Variants in CDH23 observed in about 807,000 individuals in gnomAD.
The protein encoded by CDH23 is cadherin related 23, also known as cadherin-23.
CDH23 carries 189 observed loss-of-function variants against 317.1 expected under a neutral mutation model. That is an observed-to-expected ratio of 0.60 (90% confidence interval 0.53 to 0.67). The LOEUF is 0.67. Ranked by LOEUF, CDH23 falls within the 30% of genes least tolerant of loss-of-function variation. The pLI is 0.00. For synonymous variants in CDH23, 1,839 were observed against 1,876.8 expected (o/e 0.98, Z 0.52); for missense variants, 4,401 against 4,592.4 (o/e 0.96, Z 1.20).
intron 9 of CDH23, among the ~76,000 whole-genome samples, chr10:71,611,457 T>C (rs972097236): frequency 2.6e-5 from 4 of 152,196 alleles, no homozygotes; most frequent in African/African-American, 9.7e-5. Context: ...AGGCACAGGC[T>C]GCTGGGGTGG....
Position 71,439,842 on chromosome 10 carries a change from A to T in CDH23, c.11A>T (p.His4Leu). ...GTGTCCCCAGGAGCCATGGGGCGCCATGTTGCCACCAGCTGCCACGTGGCC... is the reference window on the plus strand; with the variant it reads ...GTGTCCCCAGGAGCCATGGGGCGCCTTGTTGCCACCAGCTGCCACGTGGCC... MGR[H>L]VATSCHVAWL... The change falls in exon 2 of 70, where the codon CAT (histidine) becomes CTT (leucine). Residue 4 changes from histidine to leucine, a missense_variant. His to Leu is a moderately conservative substitution (Grantham distance 99, BLOSUM62 -3). Transcript: ENST00000224721. 6.4e-7 allele frequency: 1 copy of T among 1,568,336 alleles called. No homozygotes were observed.
At chr10:71,594,908 C>A (rs1859740021) in intron 9 of CDH23, among the ~76,000 whole-genome samples, 1 of 152,094 alleles carries the variant, frequency 6.6e-6, no homozygotes, top group Admixed American at 6.5e-5. Flanking sequence ...ATATATACAG[C>A]AAAATAGATT....
Position 71,803,382 on chromosome 10 carries a change from G to T in CDH23, c.7834G>T (p.Val2612Leu), listed in dbSNP as rs1274482381. The T allele has an allele frequency of 1.9e-6, 3 of 1,599,826 alleles. No individual in the cohort carries two copies. In the Admixed American group the frequency reaches 5.1e-5, roughly 27 times the overall value. Reference protein sequence around the residue: ...IDVNDNRPVFVRPPNGTILHI... With the variant: ...IDVNDNRPVFLRPPNGTILHI... ...CGTCAATGACAACCGCCCTGTCTTT[G>T]TGCGCCCACCCAACGGCACCATCCT... Residue 2612 changes from valine to leucine, a missense_variant, in exon 55 of 70, where the codon GTG (valine) becomes TTG (leucine). Val to Leu is a conservative substitution (Grantham distance 32). Around this residue, in one of 3 missense-constraint regions of CDH23, gnomAD observed 1,144 missense variants for 1,138.2 expected, o/e 1.01. Transcript: ENST00000224721.
intron 38 of CDH23, chr10:71,752,825 G>T: frequency 1.0e-6 from 1 of 955,688 alleles, no homozygotes; most frequent in East Asian, 2.7e-5. Context: ...CAGCCAATCT[G>T]CACAGATGTG....
chr10:71,528,942 C>G (rs1215254253), intron 6 of CDH23, among the ~76,000 whole-genome samples: 1 of 152,196 alleles, frequency 6.6e-6, no homozygotes, highest in Non-Finnish European at 1.5e-5. Flanking sequence ...TCCCCAAGCC[C>G]CCTGCTCACT....
intron 7 of CDH23, among the ~76,000 whole-genome samples, chr10:71,569,759 T>A (rs1242189757): frequency 6.6e-6 from 1 of 152,168 alleles, no homozygotes; most frequent in Admixed American, 6.5e-5. Flanking sequence ...AAGTGCCCGG[T>A]AGAGTGGCTG....
chr10:71,478,491 C>T (rs1310348378), intron 3 of CDH23, among the ~76,000 whole-genome samples: 1 of 152,244 alleles, frequency 6.6e-6, no homozygotes, highest in Non-Finnish European at 1.5e-5. Flanking sequence ...GGAGTTGTCC[C>T]CCTCGGTTCT....
rs557089358 is a variant in CDH23 at position 71,732,618 on chromosome 10, G to C, written c.4104+243G>C. 1.6e-4 allele frequency: 218 copies of C among 1,403,184 alleles called. 1 individual carries two copies. In the South Asian group the frequency reaches 3.3e-3, roughly 21 times the overall value. 86.9% of individuals were successfully genotyped at this position (1,403,184 alleles called of 1,614,324 possible). ...ACTGCACTCCAGCCCGGGCAACAGA[G>C]TGAGACCTTGTCTCTTACAAAGAAA... On this transcript the variant is annotated intron_variant, in intron 32 of 69. Transcript: ENST00000224721.
intron 3 of CDH23, among the ~76,000 whole-genome samples, chr10:71,504,705 G>A (rs968192750): frequency 2.0e-5 from 3 of 152,190 alleles, no homozygotes; most frequent in Non-Finnish European, 4.4e-5. Flanking sequence ...CTAAGACTGG[G>A]CCTTTCAGTC....
chr10:71,730,405 C>A, intron 30 of CDH23, 64 bp from the exon 31 acceptor site: 2 of 1,580,408 alleles, frequency 1.3e-6, no homozygotes, highest in Admixed American at 1.8e-5. Flanking sequence ...CACAGTGGGC[C>A]AAGCCCTGGG....
intron 8 of CDH23, among the ~76,000 whole-genome samples, chr10:71,571,848 G>T (rs1191829307): frequency 6.6e-6 from 1 of 152,250 alleles, no homozygotes; most frequent in Non-Finnish European, 1.5e-5. Context: ...CCTAAGGCTC[G>T]TGAGCGTTCA....
intron 11 of CDH23, 79 bp from the exon 12 acceptor site, chr10:71,643,782 G>T: frequency 1.3e-6 from 1 of 758,954 alleles, no homozygotes; most frequent in African/African-American, 1.7e-5. Flanking sequence ...TTTCTCTCTG[G>T]TTCCTTCCTC....
At chr10:71,608,939 C>A (rs1191539051) in intron 9 of CDH23, among the ~76,000 whole-genome samples, 1 of 152,188 alleles carries the variant, frequency 6.6e-6, no homozygotes, top group African/African-American at 2.4e-5. Flanking sequence ...GTTAGCCCAG[C>A]GGAGCAGACA....
chr10:71,733,483 G>T (rs1174462225), intron 32 of CDH23, among the ~76,000 whole-genome samples: 1 of 152,144 alleles, frequency 6.6e-6, no homozygotes, highest in Non-Finnish European at 1.5e-5. Context: ...CTGGTGATCA[G>T]CCCCAACCGA....
Position 71,643,884 on chromosome 10 carries a change from G to A in CDH23, c.1140+18G>A. On this transcript the variant is annotated intron_variant, in intron 12 of 69. Transcript: ENST00000224721. ...AGAATTTGGTAAGTGAGCCTCTGAAGGGCAGGGGTTGGGCTTGGGGAGGGC... is the reference window on the plus strand; with the variant it reads ...AGAATTTGGTAAGTGAGCCTCTGAAAGGCAGGGGTTGGGCTTGGGGAGGGC... 1 of 766,206 alleles carries A rather than the reference G, an allele frequency of 1.3e-6. No individual in the cohort carries two copies. The allele number at this position is 766,206 out of a possible 1,614,324, so 47.5% of individuals were successfully genotyped here. A position where few individuals can be genotyped will look rare whatever the true frequency, so the allele number is the denominator to read the frequency against.
At chr10:71,401,535 T>C (rs986586651) in intron 1 of CDH23, among the ~76,000 whole-genome samples, 1 of 152,188 alleles carries the variant, frequency 6.6e-6, no homozygotes, top group African/African-American at 2.4e-5. Context: ...CTCTTCATGG[T>C]GGTACTTTCC....
chr10:71,727,601 G>A (rs557016221), intron 30 of CDH23, among the ~76,000 whole-genome samples: 1 of 152,256 alleles, frequency 6.6e-6, no homozygotes, highest in Admixed American at 6.5e-5. Context: ...GTGAGGGGCC[G>A]GGGAGTACAG....
chr10:71,803,175 T>A, intron 54 of CDH23, 34 bp from the exon 55 acceptor site: 1 of 1,606,894 alleles, frequency 6.2e-7, no homozygotes, highest in Non-Finnish European at 8.5e-7. Flanking sequence ...GAAGGATGTC[T>A]CAACCAGAGC....
At chr10:71,456,311 G>C (rs902832665) in intron 3 of CDH23, among the ~76,000 whole-genome samples, 1 of 151,788 alleles carries the variant, frequency 6.6e-6, no homozygotes, top group Non-Finnish European at 1.5e-5. Flanking sequence ...CTAGGAGTTG[G>C]GGGATGACTG....
Sources: gnomAD v4.1 joint callset for allele counts (sites outside exome capture counted in the v4.1 genomes callset) on GRCh38, gnomAD v4.1.1 for gene constraint, gnomAD v4.1.1 regional missense constraint, MANE v1.5 for transcripts, NCBI Gene and HGNC (gene_info 2026-07-23, HGNC 2026-07-21) for gene names.